UXS1: variants seen among roughly 807,000 people sequenced by gnomAD.
UXS1 encodes the protein UDP-glucuronic acid decarboxylase 1.
Under a neutral mutation model 62.6 loss-of-function variants are expected in UXS1, and 33 were observed. That is an observed-to-expected ratio of 0.53 (90% CI 0.40 to 0.70). The LOEUF is 0.70. Among genes scored for constraint, UXS1 ranks in the 30% least tolerant of loss-of-function variants. The probability of loss-of-function intolerance (pLI) is 0.00; values close to 1 mark genes in which losing one functional copy is unlikely to be tolerated. For synonymous variants in UXS1, 213 were observed against 206.8 expected (o/e 1.03, Z -0.26); for missense variants, 434 against 556.3 (o/e 0.78, Z 2.21).
intron 10 of UXS1, among the ~76,000 whole-genome samples, chr2:106,110,425 G>A (rs921207063): frequency 5.9e-5 from 9 of 152,186 alleles, no homozygotes; most frequent in Non-Finnish European, 1.5e-5. Context: ...CTTCTTGGAG[G>A]CTTTCATGGT....
chr2:106,106,024 C>T (rs907088865), intron 10 of UXS1, among the ~76,000 whole-genome samples: 6 of 152,152 alleles, frequency 3.9e-5, no homozygotes, highest in South Asian at 4.1e-4. Flanking sequence ...CAGAGCTCCC[C>T]GCTCCAGCTC....
At chr2:106,109,173 CT>C (rs1678368766) in intron 10 of UXS1, among the ~76,000 whole-genome samples, 2 of 152,040 alleles carry the variant, frequency 1.3e-5, no homozygotes, top group African/African-American at 4.8e-5. Context: ...TGATCCCAGT[CT>C]TTCCCCCCCG....
At chr2:106,149,561 A>C (rs1480577512) in intron 5 of UXS1, among the ~76,000 whole-genome samples, 7 of 152,144 alleles carry the variant, frequency 4.6e-5, no homozygotes, top group African/African-American at 1.7e-4. Flanking sequence ...ATGACATAGC[A>C]AGAAGACCCT....
intron 2 of UXS1, among the ~76,000 whole-genome samples, chr2:106,165,277 G>A (rs771162408): frequency 5.9e-5 from 9 of 152,048 alleles, no homozygotes; most frequent in Admixed American, 2.0e-4. Context: ...GAATCAAATC[G>A]ACACCATCCC....
chr2:106,127,561 T>C (rs927735762), intron 7 of UXS1, among the ~76,000 whole-genome samples: 7 of 152,182 alleles, frequency 4.6e-5, no homozygotes, highest in African/African-American at 1.7e-4. Flanking sequence ...ATCCTGCTGC[T>C]GTAGTGTCTG....
chr2:106,158,764 C>T (rs1374236880), intron 4 of UXS1, among the ~76,000 whole-genome samples: 1 of 152,198 alleles, frequency 6.6e-6, no homozygotes, highest in African/African-American at 2.4e-5. Context: ...CTATATGTTG[C>T]TTCCTGCCCC....
intron 12 of UXS1, chr2:106,100,826 C>G (rs776204143): frequency 1.8e-6 from 1 of 541,702 alleles, no homozygotes; most frequent in Non-Finnish European, 3.2e-6. Context: ...CCAGGCCCTT[C>G]AGAAGGTGGA....
chr2:106,158,433 A>C (rs551412415), intron 4 of UXS1, among the ~76,000 whole-genome samples: 1 of 152,338 alleles, frequency 6.6e-6, no homozygotes, highest in African/African-American at 2.4e-5. Flanking sequence ...AGTCCAGATA[A>C]AACCACACCA....
chr2:106,166,717 T>TC lies in UXS1; in HGVS notation c.95-635dup, dbSNP rs1553435568. The stretch of plus-strand genomic sequence containing the variant: ...GGTGAAGCTTTTTTTTTTTTTTTTT[T>TC]CCAAGTGACAGATCTCCCTTTATTA... On this transcript the variant is annotated intron_variant, in intron 1 of 14. Transcript: ENST00000283148. 2.7e-3 allele frequency among the ~76,000 whole-genome samples: 401 copies of TC among 151,188 alleles called. 3 individuals are homozygous for TC. The highest frequency in any genetic ancestry group is 8.4e-3 in the African/African-American group (346 of 41,144).
chr2:106,190,881 T>C (rs1357958414), intron 1 of UXS1, among the ~76,000 whole-genome samples: 5 of 152,062 alleles, frequency 3.3e-5, no homozygotes, highest in Non-Finnish European at 5.9e-5. Flanking sequence ...TAAAGGTAAT[T>C]CAAGCAGTCT....
Position 106,093,577 on chromosome 2 carries a change from C to T in UXS1, c.*449G>A, listed in dbSNP as rs933893441. Reference sequence around the variant, plus strand: ...ATCTGCCCTAAAATCAATGCCGGCGCACCACCACCTGACAATACTGCTAGG... The same window carrying T: ...ATCTGCCCTAAAATCAATGCCGGCGTACCACCACCTGACAATACTGCTAGG... On this transcript the variant is annotated 3_prime_UTR_variant, in exon 15 of 15. Transcript: ENST00000283148. 18 of 153,648 alleles carry T rather than the reference C, an allele frequency of 1.2e-4. No homozygotes were observed. The highest frequency in any genetic ancestry group is 3.6e-4 in the African/African-American group (15 of 41,564). The allele number at this position is 153,648 out of a possible 1,614,324, so 9.5% of individuals were successfully genotyped here. A position where few individuals can be genotyped will look rare whatever the true frequency, so the allele number is the denominator to read the frequency against.
chr2:106,099,427 A>G (rs1361224838), intron 12 of UXS1, among the ~76,000 whole-genome samples: 2 of 152,132 alleles, frequency 1.3e-5, no homozygotes, highest in African/African-American at 4.8e-5. Context: ...ATAATTCTAT[A>G]CCCTAAAGCC....
At position 106,182,238 on chromosome 2, in the gene UXS1, T is replaced by C. The variant is rs1188541309; in HGVS notation, c.94+11910A>G. Among the ~76,000 whole-genome samples the C allele has an allele frequency of 2.6e-5, 4 of 152,224 alleles. No individual in the cohort carries two copies. The East Asian group carries it at 7.7e-4, about 29-fold the overall frequency. On this transcript the variant is annotated intron_variant, in intron 1 of 14. Transcript: ENST00000283148. ...GGCCACATATAACGCTAACAATAGC[T>C]GAAGAGCAAAAAAAGCAAAACAAAA...
chr2:106,189,907 G>A (rs749658537), intron 1 of UXS1, among the ~76,000 whole-genome samples: 4 of 152,220 alleles, frequency 2.6e-5, no homozygotes, highest in African/African-American at 9.7e-5. Flanking sequence ...AAACAAGAGG[G>A]AGTCAGGAAG....
intron 1 of UXS1, among the ~76,000 whole-genome samples, chr2:106,189,551 G>GGA (rs1684789215): frequency 1.3e-5 from 2 of 152,026 alleles, no homozygotes; most frequent in African/African-American, 4.8e-5. Flanking sequence ...CTCAGCTCCT[G>GGA]GGCAGGCCAC....
chr2:106,138,612 G>C, intron 6 of UXS1: 1 of 985,542 alleles, frequency 1.0e-6, no homozygotes, highest in Non-Finnish European at 1.2e-6. Context: ...GAAGAGATGA[G>C]CGTAAACTGG....
chr2:106,186,277 G>T (rs1186328045), intron 1 of UXS1, among the ~76,000 whole-genome samples: 1 of 152,014 alleles, frequency 6.6e-6, no homozygotes, highest in East Asian at 1.9e-4. Flanking sequence ...TCCTTCCAGG[G>T]GTCACACTGA....
At position 106,143,609 on chromosome 2, in the gene UXS1, C is replaced by T. The variant is rs369472033; in HGVS notation, c.472+1581G>A. On this transcript the variant is annotated intron_variant, in intron 6 of 14. Transcript: ENST00000283148. ...ACAGTATGGCTCAGCTGGTTCTCAGCTCTGCCTGCCCCCAGGCAGAAATCA... is the reference window on the plus strand; with the variant it reads ...ACAGTATGGCTCAGCTGGTTCTCAGTTCTGCCTGCCCCCAGGCAGAAATCA... Among the ~76,000 whole-genome samples the T allele has an allele frequency of 2.6e-5, 4 of 152,152 alleles. No homozygotes were observed. The East Asian group carries it at 7.8e-4, about 29-fold the overall frequency.
At chr2:106,113,466 T>A (rs1678794201) in intron 9 of UXS1, among the ~76,000 whole-genome samples, 1 of 152,220 alleles carries the variant, frequency 6.6e-6, no homozygotes, top group African/African-American at 2.4e-5. Flanking sequence ...AATGCTTCTA[T>A]TTTTACTACA....
Sources: allele counts gnomAD v4.1 joint callset (sites outside exome capture counted in the v4.1 genomes callset), GRCh38; gene constraint gnomAD v4.1.1; transcripts MANE v1.5; gene names NCBI Gene and HGNC (gene_info 2026-07-23, HGNC 2026-07-21).